The following IQCK variants were observed in gnomAD, a reference collection of about 807,000 sequenced individuals.
The protein encoded by IQCK is IQ motif containing K.
A neutral mutation model predicts 28.1 loss-of-function variants in IQCK; 29 were observed. The observed-to-expected ratio is 1.03, with a 90% CI of 0.77 to 1.41. The LOEUF is 1.41. Among genes scored for constraint, IQCK ranks in the 40% most tolerant of loss-of-function variants. IQCK has a pLI of 0.00. For missense variants in IQCK, 359 were observed against 314.7 expected, an observed-to-expected ratio of 1.14 and a Z score of -1.07; for synonymous variants, 113 against 115.1, an observed-to-expected ratio of 0.98 and a Z score of 0.12.
chr16:19,830,339 A>C (rs959636684), downstream of IQCK, among the ~76,000 whole-genome samples: 1 of 152,138 alleles, frequency 6.6e-6, no homozygotes, highest in African/African-American at 2.4e-5. Context: ...TGATTGACTG[A>C]TTGGGCTCGC....
chr16:19,811,034 A>G (rs1470908323), intron 7 of IQCK, among the ~76,000 whole-genome samples: 5 of 152,188 alleles, frequency 3.3e-5, no homozygotes, highest in Non-Finnish European at 5.9e-5. Context: ...CTGTAATCCC[A>G]ACACTTTGGG....
intron 7 of IQCK, among the ~76,000 whole-genome samples, chr16:19,813,591 A>C (rs1015956560): frequency 6.6e-6 from 1 of 152,238 alleles, no homozygotes; most frequent in African/African-American, 2.4e-5. Flanking sequence ...AAGGGCTATA[A>C]ACAAAGGCAT....
At chr16:19,802,361 G>C (rs13330543) in intron 7 of IQCK, among the ~76,000 whole-genome samples, 381 of 23,618 alleles carry the variant, frequency 0.016, 18 homozygotes, top group African/African-American at 0.087. Context: ...CGTGCTTAGC[G>C]TTCCAATAAT....
chr16:19,747,644 C>T (rs1020610129), intron 4 of IQCK, among the ~76,000 whole-genome samples: 3 of 152,126 alleles, frequency 2.0e-5, no homozygotes, highest in African/African-American at 7.2e-5. Flanking sequence ...TCCTCCCACC[C>T]CTTCACCCTT....
At chr16:19,818,007 G>C (rs1039246271) in intron 7 of IQCK, among the ~76,000 whole-genome samples, 1 of 152,102 alleles carries the variant, frequency 6.6e-6, no homozygotes, top group Non-Finnish European at 1.5e-5. Flanking sequence ...CAGTTGTCGC[G>C]GTCCAGAAGT....
chr16:19,777,334 G>A (rs2055409431), intron 6 of IQCK, among the ~76,000 whole-genome samples: 1 of 152,140 alleles, frequency 6.6e-6, no homozygotes, highest in South Asian at 2.1e-4. Flanking sequence ...TATTTGTGCT[G>A]AGGCTGATAG....
chr16:19,844,685 C>T (rs545802628), intron 9 of IQCK, among the ~76,000 whole-genome samples: 4 of 152,272 alleles, frequency 2.6e-5, no homozygotes, highest in South Asian at 2.1e-4. Flanking sequence ...TTAGAAAGAA[C>T]GCCGGTTGAA....
At position 19,752,138 on chromosome 16, in the gene IQCK, T is replaced by C. The variant is rs540886516; in HGVS notation, c.475-11710T>C. Reference sequence around the variant, plus strand: ...CATTATGAAGATTAAACCTTACAGTTAGGTTGATATTCTTAAGGAATTCCA... The same window carrying C: ...CATTATGAAGATTAAACCTTACAGTCAGGTTGATATTCTTAAGGAATTCCA... On this transcript the variant is annotated intron_variant, in intron 4 of 7. Transcript: ENST00000564186. 2.0e-5 allele frequency among the ~76,000 whole-genome samples: 3 copies of C among 152,340 alleles called. No homozygotes were observed. In the East Asian group the frequency reaches 5.8e-4, roughly 29 times the overall value.
chr16:19,858,447 A>G, exon 10 of IQCK: 1 of 669,646 alleles, frequency 1.5e-6, no homozygotes, highest in East Asian at 2.7e-5. Flanking sequence ...TGCTTGGACA[A>G]TAAAGAACTT....
chr16:19,809,715 G>C (rs1426773932), intron 7 of IQCK, among the ~76,000 whole-genome samples: 1 of 152,150 alleles, frequency 6.6e-6, no homozygotes, highest in Non-Finnish European at 1.5e-5. Context: ...GATTCAATGG[G>C]GCACAGTGCA....
At chr16:19,756,996 C>G (rs112292217) in intron 4 of IQCK, among the ~76,000 whole-genome samples, 8,001 of 152,014 alleles carry the variant, frequency 0.053, 671 homozygotes, top group African/African-American at 0.18. Flanking sequence ...TCTGCCAGCA[C>G]TTTTATCTTG....
intron 6 of IQCK, among the ~76,000 whole-genome samples, chr16:19,777,153 G>A (rs904688642): frequency 2.0e-5 from 3 of 152,042 alleles, no homozygotes; most frequent in African/African-American, 7.2e-5. Context: ...GTTGCTTTGG[G>A]TGAAATGTCT....
chr16:19,732,209 C>G (rs1977862373), intron 2 of IQCK, among the ~76,000 whole-genome samples: 1 of 152,196 alleles, frequency 6.6e-6, no homozygotes, highest in South Asian at 2.1e-4. Context: ...CAGACATATC[C>G]AGACATAATG....
chr16:19,847,625 G>A (rs1467593090), intron 9 of IQCK, among the ~76,000 whole-genome samples: 1 of 152,112 alleles, frequency 6.6e-6, no homozygotes, highest in Non-Finnish European at 1.5e-5. Flanking sequence ...CATTATGTCT[G>A]GGAGATGCAG....
intron 2 of IQCK, among the ~76,000 whole-genome samples, chr16:19,731,573 G>A (rs148641872): frequency 6.3e-4 from 96 of 152,306 alleles, no homozygotes; most frequent in African/African-American, 2.3e-3. Flanking sequence ...AGGGTCAGCT[G>A]TTCTGACAAT....
At chr16:19,852,626 T>G (rs2141125859) in intron 9 of IQCK, among the ~76,000 whole-genome samples, 1 of 148,830 alleles carries the variant, frequency 6.7e-6, no homozygotes, top group Admixed American at 6.7e-5. Context: ...CAACTTTTTT[T>G]TTTTTTTTTT....
chr16:19,767,419 C>T (rs1408017395), intron 6 of IQCK, among the ~76,000 whole-genome samples: 2 of 152,108 alleles, frequency 1.3e-5, no homozygotes, highest in South Asian at 2.1e-4. Flanking sequence ...GCCAGAAGGG[C>T]ACCATGGTTT....
chr16:19,782,773 A>T (rs2055505542), intron 6 of IQCK, among the ~76,000 whole-genome samples: 2 of 152,194 alleles, frequency 1.3e-5, no homozygotes, highest in Non-Finnish European at 2.9e-5. Flanking sequence ...TTTGAACTGG[A>T]TGAAGAAATT....
intron 4 of IQCK, among the ~76,000 whole-genome samples, chr16:19,740,601 C>T (rs1030704487): frequency 6.6e-6 from 1 of 152,042 alleles, no homozygotes; most frequent in South Asian, 2.1e-4. Flanking sequence ...TCTTTTTATT[C>T]GATTGAACAA....
Sources: gnomAD v4.1 joint callset for allele counts (sites outside exome capture counted in the v4.1 genomes callset) on GRCh38, gnomAD v4.1.1 for gene constraint, MANE v1.5 for transcripts, NCBI Gene and HGNC (gene_info 2026-07-23, HGNC 2026-07-21) for gene names.